SLC16A2: variants seen among roughly 807,000 people sequenced by gnomAD.
SLC16A2 encodes the protein monocarboxylate transporter 8.
SLC16A2 carries 3 observed loss-of-function variants against 27.2 expected under a neutral mutation model. That is an observed-to-expected ratio of 0.11 (90% CI 0.05 to 0.28). SLC16A2 has a LOEUF of 0.28. Ranked by LOEUF, SLC16A2 falls within the 10% of genes least tolerant of loss-of-function variation. SLC16A2 has a pLI of 1.00. For synonymous variants in SLC16A2, 202 were observed against 187.8 expected (o/e 1.08, Z -0.62); for missense variants, 295 against 458.5 (o/e 0.64, Z 3.26).
chrX:74,530,090 C>CTTT (rs748919451), intron 5 of SLC16A2, among the ~76,000 whole-genome samples: 9 of 67,928 alleles, frequency 1.3e-4, no homozygotes, highest in East Asian at 6.9e-4. Flanking sequence ...TTTCTTTTCT[C>CTTT]TTTTTTTTTT....
intron 1 of SLC16A2, among the ~76,000 whole-genome samples, chrX:74,475,914 T>C (rs1929467600): frequency 9.0e-6 from 1 of 111,586 alleles, no homozygotes; most frequent in Admixed American, 9.6e-5. Flanking sequence ...TCAGGTAGCG[T>C]GATGCCTCCA....
intron 4 of SLC16A2, among the ~76,000 whole-genome samples, chrX:74,527,591 C>T (rs1018126824): frequency 8.9e-6 from 1 of 112,421 alleles, no homozygotes; most frequent in Admixed American, 9.4e-5. Context: ...GAAATAGCGA[C>T]AGGCTGCAGG....
At chrX:74,497,501 GT>G (rs1929958020) in intron 1 of SLC16A2, among the ~76,000 whole-genome samples, 1 of 109,199 alleles carries the variant, frequency 9.2e-6, no homozygotes, top group South Asian at 4.1e-4. Context: ...AAAGTTTTTT[GT>G]TTTTGGTTCT....
intron 1 of SLC16A2, among the ~76,000 whole-genome samples, chrX:74,424,979 T>C (rs1928378570): frequency 1.8e-5 from 2 of 112,275 alleles, no homozygotes; most frequent in African/African-American, 6.5e-5. Flanking sequence ...CCACCTCAGC[T>C]TCTCAAGTAG....
chrX:74,474,689 C>G (rs1278476155), intron 1 of SLC16A2, among the ~76,000 whole-genome samples: 4 of 110,259 alleles, frequency 3.6e-5, no homozygotes, highest in Non-Finnish European at 7.6e-5. Context: ...TCCATGTGTT[C>G]TCATTGTTCA....
rs1930399186 is a variant in SLC16A2 at position 74,521,111 on chromosome X, C to T, written c.552C>T (p.Gly184=). The part of the protein sequence containing the change: ...ATAGAAVAFI[G]LHTSSFTSSL... ...CGGGGGCTGCCGTTGCTTTCATTGG[C>T]CTCCATACCAGCTCCTTCACCAGGT... The change falls in exon 2 of 6, where the codon GGC becomes GGT. Residue 184 remains glycine (G), a synonymous_variant. Transcript: ENST00000587091. The T allele has an allele frequency of 1.7e-6, 2 of 1,212,087 alleles. No homozygotes were observed. Among genetic ancestry groups the T allele is most frequent in the African/African-American group, 1.7e-5 (1 of 57,872 alleles).
chrX:74,526,373 T>C (rs1930487910), intron 4 of SLC16A2, among the ~76,000 whole-genome samples: 1 of 111,616 alleles, frequency 9.0e-6, no homozygotes, highest in African/African-American at 3.3e-5. Flanking sequence ...TCACAAGTAA[T>C]CCATCAGGAA....
chrX:74,500,272 T>C (rs775323201), intron 1 of SLC16A2, among the ~76,000 whole-genome samples: 129 of 111,171 alleles, frequency 1.2e-3, no homozygotes, highest in Admixed American at 2.2e-3. Flanking sequence ...GAGCTGGTAA[T>C]TGAGGTCCAG....
At chrX:74,426,799 C>G (rs765294700) in intron 1 of SLC16A2, among the ~76,000 whole-genome samples, 1 of 112,582 alleles carries the variant, frequency 8.9e-6, no homozygotes, top group Non-Finnish European at 1.9e-5. Context: ...GTTAAGCTGC[C>G]TGAATGACAG....
At chrX:74,496,381 G>A (rs1929937184) in intron 1 of SLC16A2, among the ~76,000 whole-genome samples, 1 of 111,501 alleles carries the variant, frequency 9.0e-6, no homozygotes, top group Admixed American at 9.5e-5. Flanking sequence ...CAGGGGCCAC[G>A]AGTCTCCCAG....
chrX:74,482,428 T>C (rs1001243956), intron 1 of SLC16A2, among the ~76,000 whole-genome samples: 6 of 111,883 alleles, frequency 5.4e-5, no homozygotes, highest in Admixed American at 3.8e-4. Flanking sequence ...CCATTGCATG[T>C]ATATTGGTGT....
intron 1 of SLC16A2, among the ~76,000 whole-genome samples, chrX:74,456,771 A>G (rs1166576597): frequency 8.9e-6 from 1 of 111,831 alleles, no homozygotes; most frequent in Non-Finnish European, 1.9e-5. Flanking sequence ...CTGCTAGCCA[A>G]GCCTTGTCTG....
At chrX:74,493,649 A>T (rs1367645682) in intron 1 of SLC16A2, among the ~76,000 whole-genome samples, 1 of 112,258 alleles carries the variant, frequency 8.9e-6, no homozygotes, top group Non-Finnish European at 1.9e-5. Context: ...GCTTTCCTAG[A>T]ATTGTTGAAA....
Position 74,531,585 on chromosome X carries a change from G to C in SLC16A2, c.*32G>C, listed in dbSNP as rs764658284. The C allele has an allele frequency of 1.2e-5, 13 of 1,091,916 alleles. No individual in the cohort carries two copies. The highest frequency in any genetic ancestry group is 1.6e-5 in the Non-Finnish European group (13 of 788,740). 90.0% of individuals were successfully genotyped at this position (1,091,916 alleles called of 1,213,427 possible). ...TCTTGCCATTGTGTGCCCTTTCCCA[G>C]CTCTTCCCCTTCATCCCACCCTGCT... On this transcript the variant is annotated 3_prime_UTR_variant, in exon 6 of 6. Coordinates refer to ENST00000587091, the MANE Select transcript of SLC16A2 (RefSeq NM_006517.5).
chrX:74,489,050 T>C (rs952900117), intron 1 of SLC16A2, among the ~76,000 whole-genome samples: 1 of 112,108 alleles, frequency 8.9e-6, no homozygotes, highest in Non-Finnish European at 1.9e-5. Context: ...TTTCATTATA[T>C]TTACCTGATT....
chrX:74,517,430 T>C (rs888493109), intron 1 of SLC16A2, among the ~76,000 whole-genome samples: 2 of 111,914 alleles, frequency 1.8e-5, no homozygotes, highest in Non-Finnish European at 3.8e-5. Flanking sequence ...TCAGTTCTAG[T>C]TATAAAATGT....
Position 74,421,816 on chromosome X carries a change from A to T in SLC16A2, c.179A>T (p.Asp60Val). The T allele has an allele frequency of 8.5e-7, 1 of 1,173,309 alleles. No individual in the cohort carries two copies. Among genetic ancestry groups the T allele is most frequent in the Non-Finnish European group, 1.1e-6 (1 of 872,176 alleles). Residue 60 changes from aspartate to valine, a missense_variant, in exon 1 of 6, where the codon GAC becomes GTC. Physicochemically the swap from Asp to Val is radical, Grantham distance 152 (BLOSUM62 -3). Transcript: ENST00000587091. ...EPQPEPQPLP[D>V]PAPLPELEFE... is the part of the protein sequence containing the mutation. ...CAGCCGGAGCCCCAGCCCCTACCGG[A>T]CCCCGCACCCCTGCCGGAGCTGGAG...
At chrX:74,522,267 T>C (rs1436809124) in intron 2 of SLC16A2, among the ~76,000 whole-genome samples, 1 of 112,196 alleles carries the variant, frequency 8.9e-6, no homozygotes, top group East Asian at 2.8e-4. Flanking sequence ...AATTGTGTTT[T>C]GCCTTAACTG....
At chrX:74,427,081 C>T (rs979657500) in intron 1 of SLC16A2, among the ~76,000 whole-genome samples, 7 of 111,967 alleles carry the variant, frequency 6.3e-5, no homozygotes, top group Non-Finnish European at 9.4e-5. Context: ...TGTTTTCCAG[C>T]GTTTGAACCT....
Sources: allele counts gnomAD v4.1 joint callset (sites outside exome capture counted in the v4.1 genomes callset), GRCh38; gene constraint gnomAD v4.1.1; transcripts MANE v1.5; gene names NCBI Gene and HGNC (gene_info 2026-07-23, HGNC 2026-07-21).